Variants in MSRA observed in about 807,000 individuals in gnomAD.
MSRA encodes the protein mitochondrial peptide methionine sulfoxide reductase.
A neutral mutation model predicts 31.3 loss-of-function variants in MSRA; 54 were observed. The ratio of observed to expected loss-of-function variants is 1.73; its 90% CI spans 1.39 to 2.17. The LOEUF (loss-of-function observed/expected upper bound fraction) is 2.17. Ranked by LOEUF, MSRA falls within the 30% of genes most tolerant of loss-of-function variation. The pLI, the probability that MSRA is intolerant of heterozygous loss-of-function variation, is 0.00. For missense variants in MSRA, 507 were observed against 300.9 expected, an observed-to-expected ratio of 1.69 and a Z score of -5.07; for synonymous variants, 169 against 116.5, an observed-to-expected ratio of 1.45 and a Z score of -2.90.
chr8:10,334,106 A>G (rs1169681727), intron 5 of MSRA, among the ~76,000 whole-genome samples: 1 of 151,408 alleles, frequency 6.6e-6, no homozygotes, highest in Admixed American at 6.6e-5. Flanking sequence ...CCCAGCGCCT[A>G]CTGCCTGCTT....
chr8:10,076,188 C>T (rs1483207192), intron 1 of MSRA, among the ~76,000 whole-genome samples: 1 of 152,232 alleles, frequency 6.6e-6, no homozygotes, highest in African/African-American at 2.4e-5. Flanking sequence ...AGGAAAGAAC[C>T]TAGAATGGTA....
At chr8:10,168,556 A>G (rs1409788493) in intron 1 of MSRA, among the ~76,000 whole-genome samples, 1 of 152,220 alleles carries the variant, frequency 6.6e-6, no homozygotes, top group Non-Finnish European at 1.5e-5. Flanking sequence ...AAACAGTACC[A>G]TTTAAACCTA....
At chr8:10,169,778 A>G (rs1805440852) in intron 1 of MSRA, among the ~76,000 whole-genome samples, 2 of 152,116 alleles carry the variant, frequency 1.3e-5, no homozygotes, top group South Asian at 4.1e-4. Context: ...TTAGTACATA[A>G]CATTTGTTTT....
chr8:10,358,518 T>C (rs1804643091), intron 5 of MSRA, among the ~76,000 whole-genome samples: 1 of 145,972 alleles, frequency 6.9e-6, no homozygotes, highest in Non-Finnish European at 1.5e-5. Context: ...GAGCTGGCAT[T>C]ACCACCTCAG....
At chr8:10,189,022 A>G (rs1159757814) in intron 1 of MSRA, among the ~76,000 whole-genome samples, 3 of 152,186 alleles carry the variant, frequency 2.0e-5, no homozygotes, top group East Asian at 3.8e-4. Flanking sequence ...ATTGATTTCT[A>G]TATGCTTTAA....
intron 1 of MSRA, among the ~76,000 whole-genome samples, chr8:10,087,310 A>G (rs1376154834): frequency 6.6e-6 from 1 of 150,462 alleles, no homozygotes; most frequent in Non-Finnish European, 1.5e-5. Flanking sequence ...CTGTGCTTCT[A>G]CCACAGCTCA....
intron 1 of MSRA, among the ~76,000 whole-genome samples, chr8:10,124,393 A>C (rs772088088): frequency 3.3e-5 from 5 of 152,206 alleles, no homozygotes; most frequent in African/African-American, 1.2e-4. Context: ...TCTTTGGGGC[A>C]AACCAGACCC....
chr8:10,425,372 G>C (rs1162209278), intron 5 of MSRA, among the ~76,000 whole-genome samples: 1 of 152,214 alleles, frequency 6.6e-6, no homozygotes. Context: ...TGGTACTGCC[G>C]AGGCCCACCG....
chr8:10,098,991 A>G (rs898214385), intron 1 of MSRA, among the ~76,000 whole-genome samples: 12 of 152,202 alleles, frequency 7.9e-5, no homozygotes, highest in Non-Finnish European at 1.6e-4. Flanking sequence ...CCCCTCCCAC[A>G]TCCTGAGGCC....
intron 1 of MSRA, among the ~76,000 whole-genome samples, chr8:10,063,307 G>A (rs1797301607): frequency 6.6e-6 from 1 of 152,144 alleles, no homozygotes; most frequent in Non-Finnish European, 1.5e-5. Flanking sequence ...TGCCTGAGCT[G>A]TTCAGAGCAT....
At chr8:10,085,162 C>G (rs538522287) in intron 1 of MSRA, among the ~76,000 whole-genome samples, 4 of 152,160 alleles carry the variant, frequency 2.6e-5, no homozygotes, top group Non-Finnish European at 4.4e-5. Flanking sequence ...GGGGCTCTTC[C>G]TGCCCTCCTG....
At chr8:10,377,690 G>T (rs1805831836) in intron 5 of MSRA, among the ~76,000 whole-genome samples, 1 of 152,198 alleles carries the variant, frequency 6.6e-6, no homozygotes, top group Admixed American at 6.5e-5. Context: ...GTCTTTCACA[G>T]CACTGCAGCT....
intron 1 of MSRA, among the ~76,000 whole-genome samples, chr8:10,155,390 C>G (rs1048164390): frequency 6.6e-6 from 1 of 152,138 alleles, no homozygotes; most frequent in African/African-American, 2.4e-5. Context: ...CACCCACGCT[C>G]TCTCTCTCAC....
intron 1 of MSRA, among the ~76,000 whole-genome samples, chr8:10,154,935 A>G (rs1222737895): frequency 6.7e-6 from 1 of 149,620 alleles, no homozygotes; most frequent in Non-Finnish European, 1.5e-5. Flanking sequence ...ACCTTTTTAA[A>G]TACCACAGGT....
intron 3 of MSRA, among the ~76,000 whole-genome samples, chr8:10,273,844 A>C (rs1207175199): frequency 6.6e-6 from 1 of 152,186 alleles, no homozygotes; most frequent in Non-Finnish European, 1.5e-5. Flanking sequence ...TTGGAGGCTT[A>C]CATTATGATC....
chr8:10,359,315 C>A (rs889812936), intron 5 of MSRA, among the ~76,000 whole-genome samples: 4 of 151,986 alleles, frequency 2.6e-5, no homozygotes, highest in Non-Finnish European at 5.9e-5. Context: ...AAAAAGATAC[C>A]TTTTGCACCT....
intron 1 of MSRA, among the ~76,000 whole-genome samples, chr8:10,154,567 C>G (rs918506306): frequency 2.6e-5 from 4 of 152,046 alleles, no homozygotes; most frequent in African/African-American, 7.2e-5. Context: ...TTAGTAGAGA[C>G]AGGATTTCAC....
rs752105077 is a variant in MSRA at position 10,308,052 on chromosome 8, C to T, written c.436+6414C>T. On this transcript the variant is annotated intron_variant, in intron 4 of 5. Coordinates refer to ENST00000317173, the MANE Select transcript of MSRA (RefSeq NM_012331.5). ...GTGGGGCTGAAGTGGTGGACCATCACGAAGCCCAGGGATGGAGCCTGACCC... is the reference window on the plus strand; with the variant it reads ...GTGGGGCTGAAGTGGTGGACCATCATGAAGCCCAGGGATGGAGCCTGACCC... Among the ~76,000 whole-genome samples, 3 of 152,174 alleles carry T rather than the reference C, an allele frequency of 2.0e-5. No individual in the cohort carries two copies. In the South Asian group the frequency reaches 6.2e-4, roughly 31 times the overall value.
intron 3 of MSRA, among the ~76,000 whole-genome samples, chr8:10,265,475 C>G (rs1005336913): frequency 9.2e-5 from 14 of 152,112 alleles, no homozygotes; most frequent in Admixed American, 9.2e-4. Flanking sequence ...CTTCTCTTCT[C>G]CCAGGGTAGG....
Sources: gnomAD v4.1 joint callset for allele counts (sites outside exome capture counted in the v4.1 genomes callset) on GRCh38, gnomAD v4.1.1 for gene constraint, MANE v1.5 for transcripts, NCBI Gene and HGNC (gene_info 2026-07-23, HGNC 2026-07-21) for gene names.